Variants in RGS12 observed in about 807,000 individuals in gnomAD.
RGS12 encodes the protein regulator of G-protein signaling 12.
A neutral mutation model predicts 120.1 loss-of-function variants in RGS12; 66 were observed. That is an observed-to-expected ratio of 0.55 (90% CI 0.45 to 0.67). The LOEUF (loss-of-function observed/expected upper bound fraction) is 0.67, where lower values mean the gene tolerates loss of function less well. Ranked by LOEUF, RGS12 falls within the 30% of genes least tolerant of loss-of-function variation. The pLI is 0.00. For synonymous variants in RGS12, 827 were observed against 804.7 expected (o/e 1.03, Z -0.47); for missense variants, 1,859 against 1,957.7 (o/e 0.95, Z 0.95).
intron 13 of RGS12, 166 bp downstream of exon 13, chr4:3,423,807 C>A: frequency 1.2e-6 from 1 of 804,880 alleles, no homozygotes; most frequent in Non-Finnish European, 1.9e-6. Flanking sequence ...CCCCAGTTCT[C>A]GTTCTGTGCA....
intron 1 of RGS12, among the ~76,000 whole-genome samples, chr4:3,310,225 T>C (rs1409192305): frequency 2.5e-4 from 34 of 136,620 alleles, no homozygotes; most frequent in African/African-American, 8.5e-4. Flanking sequence ...GGGAACCGTG[T>C]GGGGGAGGAG....
intron 2 of RGS12, among the ~76,000 whole-genome samples, chr4:3,340,143 T>C (rs1712902005): frequency 6.6e-6 from 1 of 152,262 alleles, no homozygotes; most frequent in South Asian, 2.1e-4. Context: ...CCCCGTGTTG[T>C]GGCCTCCGTG....
chr4:3,294,111 C>A (rs575706485), intron 1 of RGS12, among the ~76,000 whole-genome samples: 3 of 151,872 alleles, frequency 2.0e-5, no homozygotes, highest in African/African-American at 7.3e-5. Flanking sequence ...GCCTGAGTTT[C>A]CTCATTGGAC....
chr4:3,332,115 A>G (rs1423344446), intron 2 of RGS12, among the ~76,000 whole-genome samples: 3 of 152,202 alleles, frequency 2.0e-5, no homozygotes, highest in Non-Finnish European at 4.4e-5. Context: ...CCATGGAGGT[A>G]GAGGATCCCT....
intron 3 of RGS12, among the ~76,000 whole-genome samples, chr4:3,381,263 C>T (rs903022810): frequency 6.6e-6 from 1 of 152,210 alleles, no homozygotes; most frequent in African/African-American, 2.4e-5. Flanking sequence ...TTCAACAGAT[C>T]TCTAGGAAGT....
At chr4:3,378,842 G>A (rs779348712) in intron 3 of RGS12, among the ~76,000 whole-genome samples, 1 of 152,170 alleles carries the variant, frequency 6.6e-6, no homozygotes, top group Non-Finnish European at 1.5e-5. Flanking sequence ...AAACAGCATG[G>A]AGGTTCCTTG....
chr4:3,332,401 T>C (rs1283838336), intron 2 of RGS12, among the ~76,000 whole-genome samples: 1 of 152,274 alleles, frequency 6.6e-6, no homozygotes, highest in Admixed American at 6.5e-5. Context: ...AGTCACAGTC[T>C]GTTCATTTTA....
chr4:3,399,572 A>G (rs888160054), intron 4 of RGS12, among the ~76,000 whole-genome samples: 4 of 152,234 alleles, frequency 2.6e-5, no homozygotes, highest in African/African-American at 9.6e-5. Flanking sequence ...ACAACTTTAT[A>G]CTGTACATTT....
rs1725116546 is a variant in RGS12, at chr4:3,439,359, C to A, written c.4115-96C>A. ...TTTGGGATATTTCAGGGACCCCTAC[C>A]ATGCTGTCTGTGCAGGGGCCTTCGG... On this transcript the variant is annotated intron_variant, in intron 17 of 17. Transcript: ENST00000336727. 1.5e-5 allele frequency: 18 copies of A among 1,219,244 alleles called. No individual in the cohort carries two copies. In the South Asian group the frequency reaches 2.2e-4, roughly 15 times the overall value. 75.5% of individuals were successfully genotyped at this position (1,219,244 alleles called of 1,614,324 possible).
Position 3,425,555 on chromosome 4 carries a change from GA to G in RGS12, c.3329del (p.Lys1110ArgfsTer12). ...VVLEEKDPSRGKASADKQKGV... is the reference protein window; with the variant it reads ...VVLEEKDPSRXKASADKQKGV... ...TTGGAGGAGAAGGATCCTTCCAGAG[GA>G]AAGGGTGAGTAGGGCTGGTGCAGCG... On this transcript the variant is annotated frameshift_variant, in exon 14 of 18. Transcript: ENST00000336727. LOFTEE classifies it high-confidence loss of function. 6.2e-7 allele frequency: 1 copy of G among 1,603,310 alleles called. No homozygotes were observed. Among genetic ancestry groups the G allele is most frequent in the Non-Finnish European group, 8.5e-7 (1 of 1,175,616 alleles).
chr4:3,371,144 A>C, intron 3 of RGS12, among the ~76,000 whole-genome samples: 1 of 152,230 alleles, frequency 6.6e-6, no homozygotes, highest in Non-Finnish European at 1.5e-5. Flanking sequence ...GGAAATAGAC[A>C]TGGGTCTGCT....
chr4:3,438,590 G>A (rs542295204), intron 17 of RGS12, among the ~76,000 whole-genome samples: 1 of 151,230 alleles, frequency 6.6e-6, no homozygotes, highest in Non-Finnish European at 1.5e-5. Context: ...TTGGCCCCTG[G>A]GGACTCCACC....
chr4:3,305,426 A>G (rs910238059), intron 1 of RGS12, among the ~76,000 whole-genome samples: 6 of 152,078 alleles, frequency 3.9e-5, no homozygotes, highest in South Asian at 2.1e-4. Context: ...AGGTCCTTCC[A>G]TGACAGCATC....
In RGS12 at chr4:3,423,753, G is replaced by C. The variant is rs1365377005; in HGVS notation, c.3234+112G>C. On this transcript the variant is annotated intron_variant, in intron 13 of 17. Coordinates refer to ENST00000336727, the MANE Select transcript of RGS12 (RefSeq NM_001394154.1). Reference sequence around the variant, plus strand: ...ACACCAAGAAGCGGTGTCTTCCCCTGATCTGGTTGTCCCCCTTGGAGGAGA... The same window carrying C: ...ACACCAAGAAGCGGTGTCTTCCCCTCATCTGGTTGTCCCCCTTGGAGGAGA... The C allele has an allele frequency of 2.9e-6, 4 of 1,363,958 alleles. No homozygotes were observed. The East Asian group carries it at 1.0e-4, about 34-fold the overall frequency. The allele number at this position is 1,363,958 out of a possible 1,614,324, so 84.5% of individuals were successfully genotyped here.
chr4:3,295,579 G>A (rs983784433), intron 1 of RGS12, among the ~76,000 whole-genome samples: 14 of 149,026 alleles, frequency 9.4e-5, no homozygotes, highest in Non-Finnish European at 2.1e-4. Context: ...AGATTCGCTT[G>A]AACCTGGGAG....
chr4:3,423,051 C>A, intron 12 of RGS12, 73 bp downstream of exon 12: 1 of 1,277,648 alleles, frequency 7.8e-7, no homozygotes, highest in African/African-American at 1.5e-5. Context: ...CTGCTGGTCT[C>A]TGCGCTTAGC....
At position 3,317,725 on chromosome 4, in the gene RGS12, G is replaced by A. The variant is rs756803468; in HGVS notation, c.1555G>A (p.Val519Ile). Residue 519 changes from valine to isoleucine, a missense_variant, in exon 2 of 18, where the codon GTC (valine) becomes ATC (isoleucine). Physicochemically the swap from Val to Ile is conservative, Grantham distance 29 (BLOSUM62 3). Around this residue, in one of 3 missense-constraint regions of RGS12, gnomAD observed 967 missense variants for 994.2 expected, o/e 0.97. Coordinates refer to ENST00000336727, the MANE Select transcript of RGS12 (RefSeq NM_001394154.1). ...EVPPASLRSSVPPSKRGTVGA... is the reference protein window; with the variant it reads ...EVPPASLRSSIPPSKRGTVGA... ...GCCCCCAGCTTCCTTGAGGAGCTCAGTCCCCCCTTCCAAGAGGGGCACCGT... is the reference window on the plus strand; with the variant it reads ...GCCCCCAGCTTCCTTGAGGAGCTCAATCCCCCCTTCCAAGAGGGGCACCGT... 11 of 1,613,522 alleles carry A rather than the reference G, an allele frequency of 6.8e-6. No homozygotes were observed. The highest frequency in any genetic ancestry group is 9.3e-6 in the Non-Finnish European group (11 of 1,179,982).
At chr4:3,410,575 C>T (rs567208145) in intron 4 of RGS12, among the ~76,000 whole-genome samples, 5 of 152,276 alleles carry the variant, frequency 3.3e-5, no homozygotes, top group South Asian at 4.1e-4. Flanking sequence ...AAGTGCACCC[C>T]GGCAGCAGTA....
chr4:3,384,134 C>G (rs570573084), intron 3 of RGS12, among the ~76,000 whole-genome samples: 18 of 152,242 alleles, frequency 1.2e-4, no homozygotes, highest in African/African-American at 4.3e-4. Context: ...CTCATAATCT[C>G]AAAGGTATAG....
Sources: gnomAD v4.1 joint callset for allele counts (sites outside exome capture counted in the v4.1 genomes callset) on GRCh38, gnomAD v4.1.1 for gene constraint, gnomAD v4.1.1 regional missense constraint, MANE v1.5 for transcripts, NCBI Gene and HGNC (gene_info 2026-07-23, HGNC 2026-07-21) for gene names.